GPC5: variants seen among roughly 807,000 people sequenced by gnomAD.
GPC5 encodes the protein glypican 5, also known as glypican-5.
GPC5 carries 47 observed loss-of-function variants against 53.9 expected under a neutral mutation model. That is an observed-to-expected ratio of 0.87 (90% CI 0.69 to 1.11). The LOEUF (loss-of-function observed/expected upper bound fraction) is 1.11, where lower values mean the gene tolerates loss of function less well. GPC5 is among the 50% of genes most tolerant of loss of function. The pLI is 0.00. For synonymous variants in GPC5, 286 were observed against 263.3 expected, an observed-to-expected ratio of 1.09 and a Z score of -0.84; for missense variants, 748 against 713.1, an observed-to-expected ratio of 1.05 and a Z score of -0.56.
At chr13:92,734,354 A>G (rs1235598099) in intron 7 of GPC5, among the ~76,000 whole-genome samples, 1 of 151,830 alleles carries the variant, frequency 6.6e-6, no homozygotes, top group Non-Finnish European at 1.5e-5. Context: ...CAGATAATAC[A>G]GATATTGTTA....
chr13:92,525,282 G>A (rs1338486325), intron 7 of GPC5, among the ~76,000 whole-genome samples: 1 of 152,052 alleles, frequency 6.6e-6, no homozygotes, highest in East Asian at 1.9e-4. Context: ...ATTTTGCGCT[G>A]TTTATCATAG....
intron 2 of GPC5, among the ~76,000 whole-genome samples, chr13:91,503,870 T>A (rs1487558173): frequency 6.7e-6 from 1 of 150,236 alleles, no homozygotes; most frequent in African/African-American, 2.4e-5. Flanking sequence ...ACCATACTAT[T>A]CTGGCCAAGA....
intron 2 of GPC5, among the ~76,000 whole-genome samples, chr13:91,645,790 A>G (rs1044278550): frequency 2.0e-5 from 3 of 152,156 alleles, no homozygotes; most frequent in Non-Finnish European, 4.4e-5. Flanking sequence ...TCACCTGGAG[A>G]TCTGGTTGTA....
At chr13:92,408,684 T>C (rs1875907849) in intron 7 of GPC5, among the ~76,000 whole-genome samples, 1 of 152,008 alleles carries the variant, frequency 6.6e-6, no homozygotes, top group South Asian at 2.1e-4. Flanking sequence ...TGTATTTATA[T>C]ATACATGCAC....
intron 7 of GPC5, among the ~76,000 whole-genome samples, chr13:92,443,424 T>C (rs1877659037): frequency 6.6e-6 from 1 of 152,126 alleles, no homozygotes; most frequent in Admixed American, 6.6e-5. Flanking sequence ...TGGTTTAGGA[T>C]AAAATGGATA....
chr13:91,734,253 A>G (rs758023601), intron 4 of GPC5, among the ~76,000 whole-genome samples: 7 of 151,362 alleles, frequency 4.6e-5, no homozygotes, highest in Non-Finnish European at 7.3e-5. Context: ...GGATTTTCAT[A>G]TTGATGTTCA....
At chr13:92,564,146 G>A (rs944819373) in intron 7 of GPC5, among the ~76,000 whole-genome samples, 2 of 151,882 alleles carry the variant, frequency 1.3e-5, no homozygotes, top group African/African-American at 4.8e-5. Flanking sequence ...GATAAAATAT[G>A]CTTTAAACCT....
chr13:91,961,027 A>T (rs560090903), intron 6 of GPC5, among the ~76,000 whole-genome samples: 1 of 152,102 alleles, frequency 6.6e-6, no homozygotes, highest in South Asian at 2.1e-4. Context: ...AACAAAAAGA[A>T]AAATAGACAA....
At chr13:92,741,657 T>C (rs564945260) in intron 7 of GPC5, among the ~76,000 whole-genome samples, 1 of 152,140 alleles carries the variant, frequency 6.6e-6, no homozygotes, top group South Asian at 2.1e-4. Context: ...TACATATGTA[T>C]ACATGTGCCA....
At chr13:92,599,476 A>C (rs1883979080) in intron 7 of GPC5, among the ~76,000 whole-genome samples, 1 of 152,194 alleles carries the variant, frequency 6.6e-6, no homozygotes, top group African/African-American at 2.4e-5. Context: ...GGAGCTGAAC[A>C]CAGTTCAAGG....
At chr13:92,020,082 G>C (rs1389840589) in intron 6 of GPC5, among the ~76,000 whole-genome samples, 1 of 151,986 alleles carries the variant, frequency 6.6e-6, no homozygotes, top group Non-Finnish European at 1.5e-5. Flanking sequence ...TTGTCTCATA[G>C]TCTGCTTTCT....
At chr13:91,884,813 T>A (rs1054881263) in intron 5 of GPC5, among the ~76,000 whole-genome samples, 3 of 152,138 alleles carry the variant, frequency 2.0e-5, no homozygotes, top group Non-Finnish European at 2.9e-5. Context: ...CCTACAAAAA[T>A]TTTTAATACT....
At chr13:91,785,369 C>A (rs1380381671) in intron 5 of GPC5, among the ~76,000 whole-genome samples, 2 of 152,132 alleles carry the variant, frequency 1.3e-5, no homozygotes. Context: ...TTGTGACAAC[C>A]AAAAATGTCT....
intron 1 of GPC5, among the ~76,000 whole-genome samples, chr13:91,402,037 A>T (rs545934682): frequency 1.3e-5 from 2 of 152,056 alleles, no homozygotes; most frequent in Admixed American, 6.5e-5. Context: ...TTTTTATTTT[A>T]TTTATTGGGG....
intron 5 of GPC5, among the ~76,000 whole-genome samples, chr13:91,764,634 C>T (rs1366533342): frequency 1.3e-5 from 2 of 152,172 alleles, no homozygotes; most frequent in South Asian, 2.1e-4. Flanking sequence ...TCTTACTCTT[C>T]GTTTTTCCCC....
chr13:92,799,046 T>C (rs1190676342), intron 7 of GPC5, among the ~76,000 whole-genome samples: 2 of 151,754 alleles, frequency 1.3e-5, no homozygotes, highest in Non-Finnish European at 2.9e-5. Context: ...GCAATCTGTT[T>C]GAATAATTAG....
intron 7 of GPC5, among the ~76,000 whole-genome samples, chr13:92,238,083 T>A (rs1022675392): frequency 6.6e-5 from 10 of 152,094 alleles, no homozygotes; most frequent in African/African-American, 2.2e-4. Context: ...TATCATTTAA[T>A]GGTCACCTCT....
chr13:91,708,958 G>A (rs1257957324), intron 3 of GPC5, among the ~76,000 whole-genome samples: 1 of 152,056 alleles, frequency 6.6e-6, no homozygotes, highest in African/African-American at 2.4e-5. Context: ...ATATATCAAA[G>A]GTTTTGTTTG....
At chr13:91,833,469 T>C (rs1194366514) in intron 5 of GPC5, among the ~76,000 whole-genome samples, 1 of 152,106 alleles carries the variant, frequency 6.6e-6, no homozygotes, top group Admixed American at 6.6e-5. Context: ...AGGGCCACTA[T>C]CCCTGATGAA....
Sources: allele counts gnomAD v4.1 joint callset (sites outside exome capture counted in the v4.1 genomes callset), GRCh38; gene constraint gnomAD v4.1.1; transcripts MANE v1.5; gene names NCBI Gene and HGNC (gene_info 2026-07-23, HGNC 2026-07-21).